MMP16: variants seen among roughly 807,000 people sequenced by gnomAD.
MMP16 encodes matrix metalloproteinase-16.
In MMP16, 12 loss-of-function variants were observed where a neutral mutation model predicts 67.8. The observed-to-expected ratio is 0.18, with a 90% CI of 0.11 to 0.29. MMP16 has a LOEUF of 0.29. MMP16 is among the 10% of genes least tolerant of loss of function. MMP16 has a pLI of 1.00. For missense variants in MMP16, 475 were observed against 765.7 expected, an observed-to-expected ratio of 0.62 and a Z score of 4.48; for synonymous variants, 249 against 255.9, an observed-to-expected ratio of 0.97 and a Z score of 0.26.
chr8:88,097,195 G>C (rs138792070), intron 6 of MMP16, among the ~76,000 whole-genome samples: 14 of 152,002 alleles, frequency 9.2e-5, no homozygotes, highest in African/African-American at 3.1e-4. Flanking sequence ...TATGATTTCA[G>C]TTTAAATTTA....
chr8:88,041,368 G>C lies in MMP16; in HGVS notation c.*93C>G. 3.0e-6 allele frequency: 4 copies of C among 1,334,104 alleles called. No homozygotes were observed. The highest frequency in any genetic ancestry group is 4.2e-6 in the Non-Finnish European group (4 of 960,200). The allele number at this position is 1,334,104 out of a possible 1,614,324, so 82.6% of individuals were successfully genotyped here. A position where few individuals can be genotyped will look rare whatever the true frequency, so the allele number is the denominator to read the frequency against. On this transcript the variant is annotated 3_prime_UTR_variant, in exon 10 of 10. Transcript: ENST00000286614. The surrounding 1 kb of genome is among the most constrained non-coding windows in gnomAD (Gnocchi z 6.0). Reference sequence around the variant, plus strand: ...CCCCGAATCAGGCTGCCACAAGCCTGCTCCTAGCTAGGAAACAGCATAACA... The same window carrying C: ...CCCCGAATCAGGCTGCCACAAGCCTCCTCCTAGCTAGGAAACAGCATAACA...
chr8:88,054,088 T>C (rs1047102941), intron 8 of MMP16, among the ~76,000 whole-genome samples: 1 of 152,188 alleles, frequency 6.6e-6, no homozygotes, highest in Non-Finnish European at 1.5e-5. Context: ...CAATAAGTAA[T>C]AAATTTTTAG....
intron 3 of MMP16, among the ~76,000 whole-genome samples, chr8:88,175,363 C>T (rs1448171453): frequency 1.3e-5 from 2 of 152,082 alleles, no homozygotes; most frequent in Non-Finnish European, 2.9e-5. Flanking sequence ...ATTTTTTGAG[C>T]TTAAATGTCA....
chr8:88,182,629 C>G (rs1425795407), intron 3 of MMP16, among the ~76,000 whole-genome samples: 1 of 152,100 alleles, frequency 6.6e-6, no homozygotes, highest in Non-Finnish European at 1.5e-5. Flanking sequence ...ATGGCATAAC[C>G]ATGTCAGAAG....
chr8:88,213,377 AT>A (rs1177345056), intron 1 of MMP16, among the ~76,000 whole-genome samples: 1 of 152,182 alleles, frequency 6.6e-6, no homozygotes, highest in Non-Finnish European at 1.5e-5. Flanking sequence ...ACATGGTTAC[AT>A]TTTTATTCAC....
At chr8:88,092,799 G>A (rs1217202055) in intron 6 of MMP16, among the ~76,000 whole-genome samples, 1 of 151,440 alleles carries the variant, frequency 6.6e-6, no homozygotes, top group Non-Finnish European at 1.5e-5. Flanking sequence ...GTTTTATATC[G>A]AGATATAGTA....
At chr8:88,210,173 G>T (rs981795822) in intron 1 of MMP16, among the ~76,000 whole-genome samples, 1 of 152,088 alleles carries the variant, frequency 6.6e-6, no homozygotes, top group South Asian at 2.1e-4. Context: ...CCCAGTCTAC[G>T]ACACTTTTTT....
rs556109130 is a variant in MMP16 at position 88,157,673 on chromosome 8, T to C, written c.709+9996A>G. Among the ~76,000 whole-genome samples the C allele has an allele frequency of 1.2e-4, 18 of 152,216 alleles. 1 individual carries two copies. Among genetic ancestry groups the C allele is most frequent in the Admixed American group, 2.6e-4 (4 of 15,274 alleles). ...TTCTGGTTTCATCTGCTTCATTTTA[T>C]TTTATCTTTTTATTATACTTTAAGT... On this transcript the variant is annotated intron_variant, in intron 4 of 9. Transcript: ENST00000286614.
chr8:88,064,685 C>A lies in MMP16; in HGVS notation c.1223-8407G>T, dbSNP rs556204478. 3.3e-4 allele frequency among the ~76,000 whole-genome samples: 50 copies of A among 152,094 alleles called. 1 individual carries two copies. The highest frequency in any genetic ancestry group is 3.1e-3 in the South Asian group (15 of 4,818). ...CACCTACTCAAATAAATAAATGATA[C>A]CAATAATAAACAAGTAACACTAATC... On this transcript the variant is annotated intron_variant, in intron 7 of 9. Coordinates refer to ENST00000286614, the MANE Select transcript of MMP16 (RefSeq NM_005941.5).
At chr8:88,141,952 T>C (rs1252546659) in intron 4 of MMP16, among the ~76,000 whole-genome samples, 1 of 151,852 alleles carries the variant, frequency 6.6e-6, no homozygotes, top group Non-Finnish European at 1.5e-5. Flanking sequence ...TCTCGCTCTG[T>C]CGCCAAGGTT....
At chr8:88,088,536 A>G (rs2118335937) in intron 6 of MMP16, among the ~76,000 whole-genome samples, 1 of 152,206 alleles carries the variant, frequency 6.6e-6, no homozygotes, top group Non-Finnish European at 1.5e-5. Context: ...ATTACAAAGC[A>G]AAACACCCCT....
intron 4 of MMP16, among the ~76,000 whole-genome samples, chr8:88,139,263 T>C (rs1047429280): frequency 6.6e-6 from 1 of 152,106 alleles, no homozygotes; most frequent in Non-Finnish European, 1.5e-5. Flanking sequence ...TCTTCTTCAG[T>C]GAATTTAGGG....
At chr8:88,308,213 T>C (rs1485706289) in intron 1 of MMP16, among the ~76,000 whole-genome samples, 1 of 152,128 alleles carries the variant, frequency 6.6e-6, no homozygotes, top group East Asian at 1.9e-4. Context: ...AGACACAGTG[T>C]ATATCCAAGC....
At chr8:88,311,442 T>A (rs1307641641) in intron 1 of MMP16, among the ~76,000 whole-genome samples, 1 of 152,192 alleles carries the variant, frequency 6.6e-6, no homozygotes, top group East Asian at 1.9e-4. Context: ...ATTTATAACA[T>A]CAGAAGTGTG....
At chr8:88,307,991 T>G (rs1219848821) in intron 1 of MMP16, among the ~76,000 whole-genome samples, 1 of 152,040 alleles carries the variant, frequency 6.6e-6, no homozygotes, top group Non-Finnish European at 1.5e-5. Context: ...AAAACACTAC[T>G]GAAGGGAAGA....
chr8:88,162,388 A>C (rs537219392), intron 4 of MMP16, among the ~76,000 whole-genome samples: 1 of 152,080 alleles, frequency 6.6e-6, no homozygotes, highest in Non-Finnish European at 1.5e-5. Context: ...TGGGTGTGAA[A>C]GCCGAATTAT....
At chr8:88,067,611 C>G (rs559159665) in intron 7 of MMP16, among the ~76,000 whole-genome samples, 1 of 152,178 alleles carries the variant, frequency 6.6e-6, no homozygotes, top group South Asian at 2.1e-4. Context: ...CAATGAGGCA[C>G]TTTTTATCAC....
At chr8:88,159,591 A>T (rs1209836468) in intron 4 of MMP16, among the ~76,000 whole-genome samples, 1 of 152,084 alleles carries the variant, frequency 6.6e-6, no homozygotes, top group Admixed American at 6.6e-5. Context: ...GGACAATTTG[A>T]CTTCCTCTTT....
intron 1 of MMP16, among the ~76,000 whole-genome samples, chr8:88,204,658 T>A (rs575342399): frequency 3.5e-4 from 53 of 152,276 alleles, no homozygotes; most frequent in Non-Finnish European, 6.5e-4. Flanking sequence ...TTAATGAATA[T>A]AATTATAAGT....
Sources: gnomAD v4.1 joint callset for allele counts (sites outside exome capture counted in the v4.1 genomes callset) on GRCh38, gnomAD v4.1.1 for gene constraint, Gnocchi (gnomAD v3.1) non-coding constraint, MANE v1.5 for transcripts, NCBI Gene and HGNC (gene_info 2026-07-23, HGNC 2026-07-21) for gene names.